Variants in USP20 observed in about 807,000 individuals in gnomAD.
USP20 encodes the protein ubiquitin specific peptidase 20, also known as ubiquitin carboxyl-terminal hydrolase 20.
USP20 carries 80 observed loss-of-function variants against 124.2 expected under a neutral mutation model. The observed-to-expected ratio is 0.64, with a 90% confidence interval of 0.54 to 0.78. USP20 has a LOEUF of 0.78. USP20 is among the 30% of genes least tolerant of loss of function. The pLI is 0.00. For missense variants in USP20, 1,043 were observed against 1,244.4 expected (o/e 0.84, Z 2.44); for synonymous variants, 481 against 512.3 (o/e 0.94, Z 0.83).
chr9:129,864,821 G>C (rs955572164), intron 9 of USP20, among the ~76,000 whole-genome samples: 1 of 149,508 alleles, frequency 6.7e-6, no homozygotes, highest in African/African-American at 2.5e-5. Context: ...AATTCCGCTT[G>C]TGTAAGAAGC....
chr9:129,870,802 CA>C (rs1407791079), intron 15 of USP20, among the ~76,000 whole-genome samples: 7 of 152,160 alleles, frequency 4.6e-5, no homozygotes, highest in Admixed American at 4.6e-4. Flanking sequence ...ATTTGGTGGG[CA>C]AAAATGATGT....
At chr9:129,864,681 G>A in intron 9 of USP20, among the ~76,000 whole-genome samples, 1 of 150,678 alleles carries the variant, frequency 6.6e-6, no homozygotes, top group Non-Finnish European at 1.5e-5. Flanking sequence ...GGCTGAGACA[G>A]GAGAATCACT....
At chr9:129,877,413 G>C (rs1429124017) in intron 22 of USP20, among the ~76,000 whole-genome samples, 1 of 152,162 alleles carries the variant, frequency 6.6e-6, no homozygotes, top group African/African-American at 2.4e-5. Context: ...CCGCTACCTG[G>C]AGGGCTGAGT....
Position 129,874,853 on chromosome 9 carries a change from A to G in USP20, c.1946A>G (p.Gln649Arg). ...GGTGGGCACTACATCGCCTACTGCC[A>G]GAACGTGATCAATGGGCAGTGGTAC... ...AGSGHYIAYC[Q>R]NVINGQWYEF... Residue 649 changes from glutamine (Q) to arginine (R), a missense_variant, in exon 19 of 26, where the codon CAG (glutamine) becomes CGG (arginine). Coordinates refer to ENST00000372429, the MANE Select transcript of USP20 (RefSeq NM_001110303.4). 6.2e-7 allele frequency: 1 copy of G among 1,614,148 alleles called. No individual in the cohort carries two copies. Among genetic ancestry groups the G allele is most frequent in the Non-Finnish European group, 8.5e-7 (1 of 1,180,034 alleles).
At chr9:129,841,555 C>T (rs566796928) in intron 1 of USP20, among the ~76,000 whole-genome samples, 41 of 152,302 alleles carry the variant, frequency 2.7e-4, no homozygotes, top group Admixed American at 2.2e-3. Flanking sequence ...GGCATCCCCC[C>T]ACATTGACCC....
At position 129,879,680 on chromosome 9, in the gene USP20, G is replaced by A. The variant is rs199636533; in HGVS notation, c.2584+36G>A. ...CCTGGGGTCAGCCAGGCTCCTCTCT[G>A]CCCTTCCTGGCTGCCAGGCTGCTGC... On this transcript the variant is annotated intron_variant, in intron 24 of 25. Transcript: ENST00000372429. The surrounding 1 kb of genome is among the most constrained non-coding windows in gnomAD (Gnocchi z 4.2). 4,431 of 1,611,044 alleles carry A rather than the reference G, an allele frequency of 2.8e-3. 6 individuals carry two copies. The highest frequency in any genetic ancestry group is 3.3e-3 in the Non-Finnish European group (3,927 of 1,177,584).
intron 19 of USP20, among the ~76,000 whole-genome samples, 159 bp from the exon 20 acceptor site, chr9:129,875,151 T>C (rs74786474): frequency 0.013 from 1,951 of 152,184 alleles, 20 homozygotes; most frequent in Middle Eastern, 0.027. Context: ...GGGCCCTGGC[T>C]GGCGGCACAG....
At chr9:129,869,882 G>GA in intron 14 of USP20, 38 bp downstream of exon 14, 1 of 1,492,656 alleles carries the variant, frequency 6.7e-7, no homozygotes, top group Non-Finnish European at 8.9e-7. Flanking sequence ...ACATGGGCTG[G>GA]GCCTGTCCTG....
rs79560826 is a variant in USP20, at chr9:129,876,242, C to A, written c.2409+4C>A. ...CGAGATCGACACCTTCATCAAGGTGCGTGCGGCGAGGCGGCGCGGGGGCGG... is the reference window on the plus strand; with the variant it reads ...CGAGATCGACACCTTCATCAAGGTGAGTGCGGCGAGGCGGCGCGGGGGCGG... On this transcript the variant is annotated splice_donor_region_variant and intron_variant, in intron 22 of 25. Coordinates refer to ENST00000372429, the MANE Select transcript of USP20 (RefSeq NM_001110303.4). 6.1e-3 allele frequency: 9,877 copies of A among 1,608,378 alleles called. 516 individuals are homozygous for A. In the African/African-American group the frequency reaches 0.12, roughly 19 times the overall value.
chr9:129,872,881 A>G (rs922038757), intron 15 of USP20, among the ~76,000 whole-genome samples: 1 of 151,878 alleles, frequency 6.6e-6, no homozygotes, highest in Non-Finnish European at 1.5e-5. Flanking sequence ...TCTGTAATTA[A>G]TGTTGCACTT....
At chr9:129,854,386 G>A (rs1036926906) in intron 3 of USP20, among the ~76,000 whole-genome samples, 3 of 152,218 alleles carry the variant, frequency 2.0e-5, no homozygotes, top group Non-Finnish European at 4.4e-5. Context: ...CAATTATGGT[G>A]TGTCCAGAGT....
chr9:129,866,668 T>A (rs1260195221), intron 10 of USP20, among the ~76,000 whole-genome samples: 2 of 152,176 alleles, frequency 1.3e-5, no homozygotes, highest in Non-Finnish European at 2.9e-5. Flanking sequence ...TTTCTGTGGT[T>A]TTAGGATATC....
At chr9:129,848,359 T>G (rs1237272795) in intron 1 of USP20, among the ~76,000 whole-genome samples, 10 of 152,192 alleles carry the variant, frequency 6.6e-5, no homozygotes, top group Admixed American at 6.5e-4. Flanking sequence ...CTGAGTTACT[T>G]AAGTTCCAAT....
chr9:129,845,221 T>C (rs2032469731), intron 1 of USP20, among the ~76,000 whole-genome samples: 1 of 151,968 alleles, frequency 6.6e-6, no homozygotes, highest in South Asian at 2.1e-4. Flanking sequence ...AACCACCCTG[T>C]GTAGGCTCAG....
chr9:129,870,268 A>G (rs1327665308), intron 14 of USP20, 185 bp from the exon 15 acceptor site: 1 of 612,378 alleles, frequency 1.6e-6, no homozygotes, highest in Non-Finnish European at 2.9e-6. Context: ...AGATGATGTC[A>G]CTCGGCCCAG....
Position 129,868,137 on chromosome 9 carries a change from G to A in USP20, c.823G>A (p.Asp275Asn). 1.2e-6 allele frequency: 2 copies of A among 1,614,054 alleles called. No homozygotes were observed. The highest frequency in any genetic ancestry group is 2.2e-5 in the East Asian group (1 of 44,888). Reference protein sequence around the residue: ...SSDTDEKREGDRSPSEDEFLS... With the variant: ...SSDTDEKREGNRSPSEDEFLS... ...TGACACGGATGAGAAACGGGAGGGT[G>A]ACCGGAGCCCATCAGAAGATGAGTT... is the stretch of plus-strand genomic sequence containing the variant. The change falls in exon 11 of 26, where the codon GAC (aspartate) becomes AAC (asparagine). Residue 275 changes from aspartate to asparagine, a missense_variant. Asp to Asn is a conservative substitution (Grantham distance 23). Coordinates refer to ENST00000372429, the MANE Select transcript of USP20 (RefSeq NM_001110303.4).
chr9:129,873,881 C>A, intron 17 of USP20, 137 bp downstream of exon 17: 1 of 1,081,452 alleles, frequency 9.2e-7, no homozygotes, highest in Non-Finnish European at 1.3e-6. Context: ...ATAGCTTTGG[C>A]TGAGAAACCT....
chr9:129,870,494 T>C lies in USP20; in HGVS notation c.1607T>C (p.Val536Ala). The change falls in exon 15 of 26, where the codon GTC becomes GCC. Residue 536 changes from valine (V) to alanine (A), a missense_variant. By Grantham distance (64) the Val-to-Ala change is moderately conservative. Coordinates refer to ENST00000372429, the MANE Select transcript of USP20 (RefSeq NM_001110303.4). ...SCTPSWFWGP[V>A]VTLEDCLAAF... Reference sequence around the variant, plus strand: ...ACCCCCAGCTGGTTTTGGGGGCCTGTCGTCACCCTGGAAGACTGCCTTGCT... The same window carrying C: ...ACCCCCAGCTGGTTTTGGGGGCCTGCCGTCACCCTGGAAGACTGCCTTGCT... 6.2e-7 allele frequency: 1 copy of C among 1,614,190 alleles called. No homozygotes were observed. Among genetic ancestry groups the C allele is most frequent in the Non-Finnish European group, 8.5e-7 (1 of 1,180,026 alleles).
chr9:129,878,702 C>T (rs1299972185), intron 23 of USP20, among the ~76,000 whole-genome samples: 1 of 152,224 alleles, frequency 6.6e-6, no homozygotes, highest in Non-Finnish European at 1.5e-5. Flanking sequence ...AGCTGCTCTG[C>T]CCTCCTGCAA....
Sources: allele counts gnomAD v4.1 joint callset (sites outside exome capture counted in the v4.1 genomes callset), GRCh38; gene constraint gnomAD v4.1.1; non-coding constraint Gnocchi (gnomAD v3.1); transcripts MANE v1.5; gene names NCBI Gene and HGNC (gene_info 2026-07-23, HGNC 2026-07-21).